ADARB2: variants seen among roughly 807,000 people sequenced by gnomAD.
ADARB2 encodes adenosine deaminase RNA specific B2 (inactive), also known as inactive double-stranded RNA-specific editase B2.
A neutral mutation model predicts 62.2 loss-of-function variants in ADARB2; 25 were observed. That is an observed-to-expected ratio of 0.40 (90% CI 0.29 to 0.56). The LOEUF (loss-of-function observed/expected upper bound fraction) is 0.56. Among genes scored for constraint, ADARB2 ranks in the 20% least tolerant of loss-of-function variants. ADARB2 has a pLI of 0.43. For missense variants in ADARB2, 1,071 were observed against 1,077.4 expected, an observed-to-expected ratio of 0.99 and a Z score of 0.08; for synonymous variants, 572 against 500.8, an observed-to-expected ratio of 1.14 and a Z score of -1.90.
At chr10:1,508,106 T>C (rs2813440) in intron 1 of ADARB2, among the ~76,000 whole-genome samples, 100,576 of 152,040 alleles carry the variant, frequency 0.66, 33,896 homozygotes, top group Admixed American at 0.72. Flanking sequence ...TGAGGTCGCG[T>C]GTGAACGTGA....
intron 1 of ADARB2, among the ~76,000 whole-genome samples, chr10:1,415,460 T>C (rs1220229416): frequency 6.6e-6 from 1 of 151,422 alleles, no homozygotes; most frequent in African/African-American, 2.4e-5. Flanking sequence ...AGTTGATGAG[T>C]GGATGGATGA....
intron 1 of ADARB2, among the ~76,000 whole-genome samples, chr10:1,633,427 G>A (rs1378818155): frequency 1.3e-5 from 2 of 152,180 alleles, no homozygotes; most frequent in Non-Finnish European, 2.9e-5. Flanking sequence ...TTCAGAGTGT[G>A]GACGCTGAAC....
chr10:1,223,018 T>C (rs535550665), intron 6 of ADARB2, among the ~76,000 whole-genome samples: 3 of 152,346 alleles, frequency 2.0e-5, no homozygotes, highest in African/African-American at 7.2e-5. Flanking sequence ...ATATGGCCTT[T>C]TTCACGATAT....
intron 1 of ADARB2, among the ~76,000 whole-genome samples, chr10:1,391,760 A>G (rs1832572632): frequency 7.0e-6 from 1 of 142,954 alleles, no homozygotes; most frequent in Non-Finnish European, 1.5e-5. Context: ...GATGTCTAAG[A>G]ATTGGATTTT....
intron 1 of ADARB2, among the ~76,000 whole-genome samples, chr10:1,603,524 C>T (rs934481842): frequency 2.6e-5 from 4 of 152,064 alleles, no homozygotes; most frequent in African/African-American, 9.7e-5. Flanking sequence ...CTGATTAGAA[C>T]GATTTCCTTG....
intron 1 of ADARB2, among the ~76,000 whole-genome samples, chr10:1,670,760 T>C (rs17155571): frequency 0.018 from 2,763 of 152,294 alleles, 47 homozygotes; most frequent in African/African-American, 0.05. Flanking sequence ...ACACTACGGC[T>C]TCCTGAGCTG....
chr10:1,314,741 C>T (rs566610017), intron 3 of ADARB2, among the ~76,000 whole-genome samples: 4 of 152,274 alleles, frequency 2.6e-5, no homozygotes, highest in African/African-American at 4.8e-5. Flanking sequence ...CTGTTAGACA[C>T]GACCCAAACA....
At chr10:1,295,590 G>A (rs997403853) in intron 3 of ADARB2, among the ~76,000 whole-genome samples, 14 of 151,494 alleles carry the variant, frequency 9.2e-5, no homozygotes, top group Admixed American at 5.3e-4. Context: ...TGACGTGTGC[G>A]CCTCTGTTTC....
intron 1 of ADARB2, among the ~76,000 whole-genome samples, chr10:1,683,257 A>G (rs1834561124): frequency 6.6e-6 from 1 of 152,168 alleles, no homozygotes; most frequent in Admixed American, 6.5e-5. Context: ...TTGGTTCTAA[A>G]TTAAATCTTA....
chr10:1,303,856 A>C (rs1245672552), intron 3 of ADARB2, among the ~76,000 whole-genome samples: 2 of 151,770 alleles, frequency 1.3e-5, no homozygotes, highest in African/African-American at 4.8e-5. Context: ...GCCTGCCCTA[A>C]AAGAGCTCCT....
At chr10:1,346,516 C>T (rs1433198139) in intron 3 of ADARB2, among the ~76,000 whole-genome samples, 1 of 152,224 alleles carries the variant, frequency 6.6e-6, no homozygotes, top group African/African-American at 2.4e-5. Flanking sequence ...GAGTCTTGCT[C>T]TTCAGAATGA....
At chr10:1,465,144 C>G (rs1232224434) in intron 1 of ADARB2, among the ~76,000 whole-genome samples, 1 of 152,152 alleles carries the variant, frequency 6.6e-6, no homozygotes, top group South Asian at 2.1e-4. Flanking sequence ...CGACTGAGGA[C>G]GGCTCCGTTT....
At chr10:1,521,335 C>T (rs116527621) in intron 1 of ADARB2, among the ~76,000 whole-genome samples, 1,986 of 152,234 alleles carry the variant, frequency 0.013, 51 homozygotes, top group African/African-American at 0.045. Context: ...GACTCAGCTC[C>T]TAACCACCTG....
rs140700012 is a variant in ADARB2 at position 1,662,212 on chromosome 10, C to T, written c.100+74839G>A. On this transcript the variant is annotated intron_variant, in intron 1 of 9. Coordinates refer to ENST00000381312, the MANE Select transcript of ADARB2 (RefSeq NM_018702.4). ...CCCTTCAAAGCAGAGAACTTTCTCC[C>T]ACTAAAATCAGAGAGGTTTGGAGGT... Among the ~76,000 whole-genome samples the T allele has an allele frequency of 2.6e-5, 4 of 152,296 alleles. No homozygotes were observed. The East Asian group carries it at 7.7e-4, about 29-fold the overall frequency.
At chr10:1,192,914 G>A (rs2131738121) in intron 8 of ADARB2, among the ~76,000 whole-genome samples, 1 of 152,368 alleles carries the variant, frequency 6.6e-6, no homozygotes, top group African/African-American at 2.4e-5. Flanking sequence ...CTGCATTCCC[G>A]CCTGGGTGAC....
chr10:1,305,122 T>C (rs1183654561), intron 3 of ADARB2, among the ~76,000 whole-genome samples: 1 of 142,728 alleles, frequency 7.0e-6, no homozygotes, highest in Non-Finnish European at 1.5e-5. Context: ...AGCTGGTTTT[T>C]TGAAAGGATC....
chr10:1,188,489 T>C (rs940080507), intron 8 of ADARB2, among the ~76,000 whole-genome samples: 1 of 152,170 alleles, frequency 6.6e-6, no homozygotes, highest in Non-Finnish European at 1.5e-5. Context: ...GACAGGACCA[T>C]GTGCTTACGC....
intron 1 of ADARB2, among the ~76,000 whole-genome samples, chr10:1,498,196 A>G (rs1831715892): frequency 6.6e-6 from 1 of 152,056 alleles, no homozygotes. Flanking sequence ...CAACATGGTG[A>G]AACCCATTTT....
intron 1 of ADARB2, among the ~76,000 whole-genome samples, chr10:1,700,597 A>G (rs1346880534): frequency 1.3e-4 from 1 of 7,564 alleles, no homozygotes; most frequent in African/African-American, 1.5e-4. Context: ...CAACACACAC[A>G]ATCCCACTCC....
Sources: allele counts gnomAD v4.1 joint callset (sites outside exome capture counted in the v4.1 genomes callset), GRCh38; gene constraint gnomAD v4.1.1; transcripts MANE v1.5; gene names NCBI Gene and HGNC (gene_info 2026-07-23, HGNC 2026-07-21).